ZNF346: variants seen among roughly 807,000 people sequenced by gnomAD.
ZNF346 encodes double-stranded RNA-binding zinc finger protein JAZ.
Under a neutral mutation model 33.7 loss-of-function variants are expected in ZNF346, and 23 were observed. The ratio of observed to expected loss-of-function variants is 0.68; its 90% CI spans 0.49 to 0.97. The LOEUF (loss-of-function observed/expected upper bound fraction) is 0.97. Ranked by LOEUF, ZNF346 falls within the 50% of genes least tolerant of loss-of-function variation. ZNF346 has a pLI of 0.00. For synonymous variants in ZNF346, 134 were observed against 142.4 expected, an observed-to-expected ratio of 0.94 and a Z score of 0.42; for missense variants, 340 against 371.1, an observed-to-expected ratio of 0.92 and a Z score of 0.69.
Position 177,062,061 on chromosome 5 carries a change from G to C in ZNF346, c.707G>C (p.Gly236Ala). The C allele has an allele frequency of 6.2e-7, 1 of 1,613,382 alleles. No individual in the cohort carries two copies. Among genetic ancestry groups the C allele is most frequent in the Non-Finnish European group, 8.5e-7 (1 of 1,179,620 alleles). ...TCTTGATTTTGATGTGTTTCAGCTG[G>C]AAAGGGCTACCCCTGCAAAACATGT... ...ADPAVTDFPAGKGYPCKTCKI... is the reference protein window; with the variant it reads ...ADPAVTDFPAAKGYPCKTCKI... The change falls in exon 6 of 7, where the codon GGA becomes GCA. Residue 236 changes from glycine (G) to alanine (A), a missense_variant. Gly to Ala is a moderately conservative substitution (Grantham distance 60, BLOSUM62 0). Coordinates refer to ENST00000358149, the MANE Select transcript of ZNF346 (RefSeq NM_012279.4).
rs1035865926 is a variant in ZNF346, at chr5:177,039,140, C to T, written c.176-1986C>T. Among the ~76,000 whole-genome samples, 5 of 151,946 alleles carry T rather than the reference C, an allele frequency of 3.3e-5. No homozygotes were observed. The East Asian group carries it at 7.8e-4, about 24-fold the overall frequency. ...TCCTGACCTCAGATGATCCACCCACCTTGGCCTCCCAAAGTGCTAAGATTA... is the reference window on the plus strand; with the variant it reads ...TCCTGACCTCAGATGATCCACCCACTTTGGCCTCCCAAAGTGCTAAGATTA... On this transcript the variant is annotated intron_variant, in intron 1 of 6. Coordinates refer to ENST00000358149, the MANE Select transcript of ZNF346 (RefSeq NM_012279.4).
intron 4 of ZNF346, among the ~76,000 whole-genome samples, chr5:177,049,904 T>G (rs2149663674): frequency 6.6e-6 from 1 of 152,158 alleles, no homozygotes; most frequent in East Asian, 1.9e-4. Flanking sequence ...TGGCGCAATC[T>G]CGGCTCGCTG....
intron 2 of ZNF346, 121 bp downstream of exon 2, chr5:177,041,350 C>G: frequency 1.3e-6 from 1 of 763,618 alleles, no homozygotes; most frequent in Non-Finnish European, 2.2e-6. Flanking sequence ...TGCCTCCATG[C>G]ATGTTGGCTT....
chr5:177,044,673 A>T, intron 4 of ZNF346, 140 bp downstream of exon 4: 1 of 840,340 alleles, frequency 1.2e-6, no homozygotes. Flanking sequence ...AAAATCTCCA[A>T]GTAGACCCAG....
intron 2 of ZNF346, 93 bp downstream of exon 2, chr5:177,041,322 G>C (rs1779310771): frequency 5.7e-6 from 6 of 1,046,492 alleles, no homozygotes; most frequent in Non-Finnish European, 8.8e-6. Context: ...TGTAATTGCT[G>C]CTTAGCCACC....
chr5:177,023,170 C>T lies in ZNF346; in HGVS notation c.175+257C>T, dbSNP rs1776111715. 8 of 1,535,964 alleles carry T rather than the reference C, an allele frequency of 5.2e-6. No homozygotes were observed. The South Asian group carries it at 9.5e-5, about 18-fold the overall frequency. On this transcript the variant is annotated intron_variant, in intron 1 of 6. Coordinates refer to ENST00000358149, the MANE Select transcript of ZNF346 (RefSeq NM_012279.4). ...CATCATTCACTACAGCGCAGTTTTT[C>T]CCACATTCGAGGACTGTCATCCCTA...
chr5:177,050,398 C>T (rs1465650022), intron 4 of ZNF346, among the ~76,000 whole-genome samples: 1 of 152,228 alleles, frequency 6.6e-6, no homozygotes, highest in Non-Finnish European at 1.5e-5. Context: ...AAGTGTGCAT[C>T]TCTAGTCTAT....
rs965990448 is a variant in ZNF346, at chr5:177,044,457, C to T, written c.441C>T (p.Val147=). 4 of 1,613,964 alleles carry T rather than the reference C, an allele frequency of 2.5e-6. No individual in the cohort carries two copies. The highest frequency in any genetic ancestry group is 1.7e-5 in the Admixed American group (1 of 60,000). Residue 147 remains valine, a synonymous_variant, in exon 4 of 7, where the codon GTC becomes GTT. Coordinates refer to ENST00000358149, the MANE Select transcript of ZNF346 (RefSeq NM_012279.4). ...GTAACATGACCTTTTCCTCCCCTGT[C>T]GTGGCCCAGTCGCACTACCTGGGGA... ...PICNMTFSSP[V]VAQSHYLGKT... is the part of the protein sequence containing the mutation.
chr5:177,041,126 T>C lies in ZNF346; in HGVS notation c.176T>C (p.Val59Ala). Residue 59 changes from valine (V) to alanine (A), a missense_variant and splice_region_variant, in exon 2 of 7, where the codon GTG becomes GCG. Coordinates refer to ENST00000358149, the MANE Select transcript of ZNF346 (RefSeq NM_012279.4). ...SGAQPVGREE[V>A]EHMIQKNQCL... ...TGATTTCTTGTTTTCCCCTCTATAG[T>C]GGAGCACATGATCCAGAAGAACCAA... is the stretch of plus-strand genomic sequence containing the variant. The C allele has an allele frequency of 6.2e-7, 1 of 1,612,458 alleles. No individual in the cohort carries two copies. Among genetic ancestry groups the C allele is most frequent in the Non-Finnish European group, 8.5e-7 (1 of 1,178,506 alleles).
downstream of ZNF346, among the ~76,000 whole-genome samples, chr5:177,072,031 T>C (rs1044028159): frequency 6.6e-6 from 1 of 152,200 alleles, no homozygotes; most frequent in Non-Finnish European, 1.5e-5. Flanking sequence ...TGGAGTCAGC[T>C]TCTTTTTTCT....
intron 4 of ZNF346, among the ~76,000 whole-genome samples, chr5:177,047,505 ATGT>A (rs780085790): frequency 2.0e-5 from 3 of 151,144 alleles, no homozygotes; most frequent in Non-Finnish European, 3.0e-5. Context: ...TACCCGGCTA[ATGT>A]TGTTTTTTTG....
chr5:177,044,545 C>T lies in ZNF346; in HGVS notation c.517+12C>T, dbSNP rs1779781237. On this transcript the variant is annotated intron_variant, in intron 4 of 6. Coordinates refer to ENST00000358149, the MANE Select transcript of ZNF346 (RefSeq NM_012279.4). ...CACTAAGGTGGAAGGTACTGGTTTT[C>T]CTGAGTAGTGCTATAGTGGGACCCC... is the stretch of plus-strand genomic sequence containing the variant. The T allele has an allele frequency of 6.2e-7, 1 of 1,613,060 alleles. No homozygotes were observed. Among genetic ancestry groups the T allele is most frequent in the African/African-American group, 1.3e-5 (1 of 74,890 alleles).
chr5:177,023,972 C>T (rs962549098), intron 1 of ZNF346, among the ~76,000 whole-genome samples: 2 of 150,058 alleles, frequency 1.3e-5, no homozygotes, highest in Non-Finnish European at 3.0e-5. Context: ...CAAGTCTAGC[C>T]TGTCTCCTAA....
At position 177,022,758 on chromosome 5, in the gene ZNF346, C is replaced by T. The variant is rs770336571; in HGVS notation, c.20C>T (p.Ala7Val). 1.3e-6 allele frequency: 2 copies of T among 1,556,652 alleles called. No homozygotes were observed. The highest frequency in any genetic ancestry group is 1.4e-5 in the African/African-American group (1 of 72,246). Residue 7 changes from alanine (A) to valine (V), a missense_variant, in exon 1 of 7, where the codon GCC becomes GTC. Ala to Val is a moderately conservative substitution (Grantham distance 64). Coordinates refer to ENST00000358149, the MANE Select transcript of ZNF346 (RefSeq NM_012279.4). Reference sequence around the variant, plus strand: ...GGGAAGATGGAGTATCCCGCGCCGGCCACGGTGCAGGCCGCGGACGGCGGA... The same window carrying T: ...GGGAAGATGGAGTATCCCGCGCCGGTCACGGTGCAGGCCGCGGACGGCGGA... MEYPAP[A>V]TVQAADGGAA...
At chr5:177,059,272 A>G (rs1271244854) in intron 5 of ZNF346, among the ~76,000 whole-genome samples, 1 of 152,116 alleles carries the variant, frequency 6.6e-6, no homozygotes, top group Non-Finnish European at 1.5e-5. Flanking sequence ...AGGTGAAGTG[A>G]TTTTCCAGGG....
chr5:177,022,767 A>G lies in ZNF346; in HGVS notation c.29A>G (p.Gln10Arg). 6.4e-7 allele frequency: 1 copy of G among 1,558,482 alleles called. No homozygotes were observed. Among genetic ancestry groups the G allele is most frequent in the South Asian group, 1.2e-5 (1 of 84,884 alleles). Residue 10 changes from glutamine to arginine, a missense_variant, in exon 1 of 7, where the codon CAG (glutamine) becomes CGG (arginine). Transcript: ENST00000358149. MEYPAPATV[Q>R]AADGGAAGPY... Reference sequence around the variant, plus strand: ...GAGTATCCCGCGCCGGCCACGGTGCAGGCCGCGGACGGCGGAGCGGCCGGG... The same window carrying G: ...GAGTATCCCGCGCCGGCCACGGTGCGGGCCGCGGACGGCGGAGCGGCCGGG...
Position 177,044,479 on chromosome 5 carries a change from G to A in ZNF346, c.463G>A (p.Gly155Arg), listed in dbSNP as rs976312742. ...SPVVAQSHYL[G>R]KTHAKNLKLK... Reference sequence around the variant, plus strand: ...TGTCGTGGCCCAGTCGCACTACCTGGGGAAGACCCACGCAAAGAACTTAAA... The same window carrying A: ...TGTCGTGGCCCAGTCGCACTACCTGAGGAAGACCCACGCAAAGAACTTAAA... Residue 155 changes from glycine (G) to arginine (R), a missense_variant, in exon 4 of 7, where the codon GGG becomes AGG. Transcript: ENST00000358149. The A allele has an allele frequency of 3.7e-6, 6 of 1,614,010 alleles. No homozygotes were observed. In the Middle Eastern group the frequency reaches 8.3e-4, roughly 224 times the overall value.
chr5:177,030,087 C>G (rs1581792491), intron 1 of ZNF346, among the ~76,000 whole-genome samples: 1 of 152,276 alleles, frequency 6.6e-6, no homozygotes, highest in South Asian at 2.1e-4. Flanking sequence ...GTAGGATAAA[C>G]TGAGTTTTTT....
In ZNF346 at chr5:177,067,691, A is replaced by G. The variant is rs1230599487; in HGVS notation, c.*3092A>G. Among the ~76,000 whole-genome samples, 2 of 152,182 alleles carry G rather than the reference A, an allele frequency of 1.3e-5. No homozygotes were observed. Among genetic ancestry groups the G allele is most frequent in the Non-Finnish European group, 2.9e-5 (2 of 68,032 alleles). On this transcript the variant is annotated 3_prime_UTR_variant, in exon 7 of 7. Transcript: ENST00000358149. ...ACACACAGTCAAAGATCATGATGAC[A>G]ATGATAAGAATGCCCAGGATGCAGG...
Sources: gnomAD v4.1 joint callset for allele counts (sites outside exome capture counted in the v4.1 genomes callset) on GRCh38, gnomAD v4.1.1 for gene constraint, MANE v1.5 for transcripts, NCBI Gene and HGNC (gene_info 2026-07-23, HGNC 2026-07-21) for gene names.